SEPTIN7: variants seen among roughly 807,000 people sequenced by gnomAD.
SEPTIN7 encodes septin 7, also known as septin-7.
A neutral mutation model predicts 63.3 loss-of-function variants in SEPTIN7; 10 were observed. That is an observed-to-expected ratio of 0.16 (90% CI 0.10 to 0.27). The LOEUF is 0.27. Ranked by LOEUF, SEPTIN7 falls within the 10% of genes least tolerant of loss-of-function variation. SEPTIN7 has a pLI of 1.00. For missense variants in SEPTIN7, 310 were observed against 521.0 expected (o/e 0.59, Z 3.94); for synonymous variants, 131 against 165.3 (o/e 0.79, Z 1.59).
intron 1 of SEPTIN7, among the ~76,000 whole-genome samples, chr7:35,808,710 G>T (rs1788512206): frequency 6.6e-6 from 1 of 152,092 alleles, no homozygotes; most frequent in Non-Finnish European, 1.5e-5. Flanking sequence ...CTTTTATAAG[G>T]TCATTAATCC....
chr7:35,845,383 T>C (rs1489692962), intron 3 of SEPTIN7, among the ~76,000 whole-genome samples: 1 of 152,200 alleles, frequency 6.6e-6, no homozygotes, highest in African/African-American at 2.4e-5. Context: ...GACAATGATA[T>C]GCAGTTAATA....
At chr7:35,807,442 A>G (rs1788422635) in intron 1 of SEPTIN7, among the ~76,000 whole-genome samples, 1 of 146,982 alleles carries the variant, frequency 6.8e-6, no homozygotes, top group Non-Finnish European at 1.5e-5. Flanking sequence ...GCTCGCTGTA[A>G]GAAGGTCTGC....
intron 11 of SEPTIN7, 67 bp from the exon 12 acceptor site, chr7:35,898,181 T>C: frequency 2.3e-6 from 3 of 1,282,450 alleles, no homozygotes; most frequent in African/African-American, 3.0e-5. Flanking sequence ...TCATCAGCTG[T>C]TTCATAGTTC....
chr7:35,832,765 C>G, intron 2 of SEPTIN7, 33 bp from the exon 3 acceptor site: 13 of 1,146,352 alleles, frequency 1.1e-5, no homozygotes, highest in Non-Finnish European at 1.6e-5. Flanking sequence ...ACTGTTGATA[C>G]ATGAATAACT....
downstream of SEPTIN7, among the ~76,000 whole-genome samples, chr7:35,907,425 G>A (rs961296598): frequency 3.9e-5 from 6 of 151,904 alleles, no homozygotes; most frequent in Non-Finnish European, 8.8e-5. Flanking sequence ...ATAACAATTG[G>A]GTAAGTTATC....
At chr7:35,805,241 C>G (rs1395273609) in intron 1 of SEPTIN7, among the ~76,000 whole-genome samples, 1 of 152,140 alleles carries the variant, frequency 6.6e-6, no homozygotes, top group Non-Finnish European at 1.5e-5. Flanking sequence ...CTTGTGACTG[C>G]TATGACATCA....
chr7:35,837,365 T>C (rs1466267591), intron 3 of SEPTIN7, among the ~76,000 whole-genome samples: 1 of 152,192 alleles, frequency 6.6e-6, no homozygotes, highest in Non-Finnish European at 1.5e-5. Flanking sequence ...ATTGGTCAAA[T>C]TGTAGACTTT....
At chr7:35,867,592 C>T (rs1433574670) in intron 4 of SEPTIN7, among the ~76,000 whole-genome samples, 4 of 151,986 alleles carry the variant, frequency 2.6e-5, no homozygotes, top group Admixed American at 1.3e-4. Flanking sequence ...TCACGTGATC[C>T]GCCCGCCTCG....
chr7:35,914,084 A>G, the SEPTIN7 span, among the ~76,000 whole-genome samples: 1 of 152,252 alleles, frequency 6.6e-6, no homozygotes, highest in Non-Finnish European at 1.5e-5. Context: ...TCTTAAGGAA[A>G]TACGTCTAAG....
In SEPTIN7 at chr7:35,827,891, T is replaced by C. The variant is rs58501809; in HGVS notation, c.62-3601T>C. ...CTTCTATACGAATTTTGGGATGATA[T>C]GTTTTTAGCCAAACCCATGTTTTAT... On this transcript the variant is annotated intron_variant, in intron 1 of 13. Transcript: ENST00000350320. Among the ~76,000 whole-genome samples, 296 of 152,348 alleles carry C rather than the reference T, an allele frequency of 1.9e-3. 3 individuals carry two copies. Among genetic ancestry groups the C allele is most frequent in the African/African-American group, 6.6e-3 (274 of 41,584 alleles).
At chr7:35,853,006 G>T (rs1274275280) in intron 3 of SEPTIN7, among the ~76,000 whole-genome samples, 1 of 152,070 alleles carries the variant, frequency 6.6e-6, no homozygotes, top group African/African-American at 2.4e-5. Flanking sequence ...GATACTAGGG[G>T]TATCAAATTA....
chr7:35,904,896 A>G lies in SEPTIN7; in HGVS notation c.*603A>G, dbSNP rs1562596006. On this transcript the variant is annotated 3_prime_UTR_variant, in exon 14 of 14. Transcript: ENST00000350320. ...TGTTTGTTTTGGATTCTTTAAATAT[A>G]TATTATTCTCATTTAGTGCCCTCTT... 1 of 152,294 alleles carries G rather than the reference A, an allele frequency of 6.6e-6. No homozygotes were observed. Among genetic ancestry groups the G allele is most frequent in the South Asian group, 2.1e-4 (1 of 4,832 alleles). The allele number at this position is 152,294 out of a possible 1,614,324, so 9.4% of individuals were successfully genotyped here.
At chr7:35,856,558 C>A (rs1785217620) in intron 3 of SEPTIN7, among the ~76,000 whole-genome samples, 1 of 152,220 alleles carries the variant, frequency 6.6e-6, no homozygotes, top group Non-Finnish European at 1.5e-5. Flanking sequence ...CTTTTTACTT[C>A]TTAGAATGGA....
At position 35,805,629 on chromosome 7, in the gene SEPTIN7, A is replaced by G. The variant is rs1207412149; in HGVS notation, c.61+4359A>G. Among the ~76,000 whole-genome samples, 7 of 152,348 alleles carry G rather than the reference A, an allele frequency of 4.6e-5. No individual in the cohort carries two copies. In the South Asian group the frequency reaches 8.3e-4, roughly 18 times the overall value. On this transcript the variant is annotated intron_variant, in intron 1 of 13. Transcript: ENST00000350320. Reference sequence around the variant, plus strand: ...GTTTTAGGCCAGTGTTAACTTTAAAAATACTATACTTTGAAAGCTGAGAAT... The same window carrying G: ...GTTTTAGGCCAGTGTTAACTTTAAAGATACTATACTTTGAAAGCTGAGAAT...
At chr7:35,852,064 T>G (rs946409822) in intron 3 of SEPTIN7, among the ~76,000 whole-genome samples, 2 of 152,218 alleles carry the variant, frequency 1.3e-5, no homozygotes, top group African/African-American at 4.8e-5. Context: ...ACTAGGGTCC[T>G]TTCTTTTTCT....
intron 7 of SEPTIN7, among the ~76,000 whole-genome samples, chr7:35,880,965 G>A (rs1017863663): frequency 3.9e-5 from 6 of 152,032 alleles, no homozygotes; most frequent in Non-Finnish European, 7.4e-5. Context: ...AAGGCCAGTA[G>A]TATATTGTTT....
At chr7:35,807,761 G>A (rs1788446200) in intron 1 of SEPTIN7, among the ~76,000 whole-genome samples, 1 of 152,092 alleles carries the variant, frequency 6.6e-6, no homozygotes, top group Non-Finnish European at 1.5e-5. Context: ...GCCTCCCAAA[G>A]TGATGGGATT....
chr7:35,839,368 C>T (rs1213915709), intron 3 of SEPTIN7, among the ~76,000 whole-genome samples: 3 of 152,168 alleles, frequency 2.0e-5, no homozygotes, highest in Non-Finnish European at 4.4e-5. Context: ...ATTGCTTCAT[C>T]ATTTGACATT....
chr7:35,860,267 T>C (rs997091587), intron 3 of SEPTIN7, among the ~76,000 whole-genome samples: 42 of 152,186 alleles, frequency 2.8e-4, no homozygotes, highest in Non-Finnish European at 1.2e-4. Flanking sequence ...CCCTCTTTTA[T>C]GTTATTGATG....
Sources: gnomAD v4.1 joint callset for allele counts (sites outside exome capture counted in the v4.1 genomes callset) on GRCh38, gnomAD v4.1.1 for gene constraint, MANE v1.5 for transcripts, NCBI Gene and HGNC (gene_info 2026-07-23, HGNC 2026-07-21) for gene names.